Variants in CEP89 observed in about 807,000 individuals in gnomAD.
CEP89 encodes centrosomal protein of 89 kDa.
A neutral mutation model predicts 97.6 loss-of-function variants in CEP89; 95 were observed. That is an observed-to-expected ratio of 0.97 (90% confidence interval 0.82 to 1.15). CEP89 has a LOEUF of 1.15. Ranked by LOEUF, CEP89 falls within the 50% of genes most tolerant of loss-of-function variation. The pLI is 0.00. For synonymous variants in CEP89, 354 were observed against 349.1 expected (o/e 1.01, Z -0.16); for missense variants, 869 against 947.7 (o/e 0.92, Z 1.09).
At chr19:32,965,804 G>C (rs968114703) in intron 2 of CEP89, among the ~76,000 whole-genome samples, 2 of 151,918 alleles carry the variant, frequency 1.3e-5, no homozygotes, top group Non-Finnish European at 2.9e-5. Flanking sequence ...TTAAGAAAGA[G>C]GTCAGGAGTT....
At position 32,898,989 on chromosome 19, in the gene CEP89, C is replaced by G. The variant is rs925184946; in HGVS notation, c.1875+868G>C. On this transcript the variant is annotated intron_variant, in intron 16 of 18. Transcript: ENST00000305768. ...CATTACAAAATATCACATGTACCCCCACATGTGCATGTAAATATATTTAAA... is the reference window on the plus strand; with the variant it reads ...CATTACAAAATATCACATGTACCCCGACATGTGCATGTAAATATATTTAAA... Among the ~76,000 whole-genome samples the G allele has an allele frequency of 1.3e-5, 2 of 151,458 alleles. 1 individual carries two copies. The highest frequency in any genetic ancestry group is 1.3e-4 in the Admixed American group (2 of 15,210).
At chr19:32,889,317 T>C (rs114934697) in intron 16 of CEP89, among the ~76,000 whole-genome samples, 16 of 152,198 alleles carry the variant, frequency 1.1e-4, no homozygotes, top group African/African-American at 3.9e-4. Context: ...CCCATGCCTC[T>C]CCCTGCATGG....
At chr19:32,894,441 C>T (rs867468320) in intron 16 of CEP89, among the ~76,000 whole-genome samples, 23 of 152,266 alleles carry the variant, frequency 1.5e-4, no homozygotes, top group African/African-American at 2.6e-4. Flanking sequence ...ATCCCTTAAT[C>T]GTAATGTAGC....
chr19:32,889,089 C>A (rs934019616), intron 16 of CEP89, among the ~76,000 whole-genome samples: 1 of 152,172 alleles, frequency 6.6e-6, no homozygotes, highest in African/African-American at 2.4e-5. Context: ...AGGGCTCTCA[C>A]GAGCTCCTGG....
At position 32,907,192 on chromosome 19, in the gene CEP89, G is replaced by A. The variant is rs374426849; in HGVS notation, c.1566-5780C>T. 2.1e-4 allele frequency among the ~76,000 whole-genome samples: 32 copies of A among 152,212 alleles called. No homozygotes were observed. The East Asian group carries it at 3.7e-3, about 17-fold the overall frequency. ...CTGGGCAACACAGCAAGACCCCATC[G>A]CTGCAGAAATACTTAATAATTAGCC... On this transcript the variant is annotated intron_variant, in intron 14 of 18. Coordinates refer to ENST00000305768, the MANE Select transcript of CEP89 (RefSeq NM_032816.5).
At chr19:32,896,232 T>C (rs1253644688) in intron 16 of CEP89, among the ~76,000 whole-genome samples, 3 of 152,154 alleles carry the variant, frequency 2.0e-5, no homozygotes, top group Non-Finnish European at 4.4e-5. Context: ...TACAAGGCTA[T>C]AGTAACCAAA....
At position 32,878,617 on chromosome 19, in the gene CEP89, A is replaced by C. The variant is rs1187118346; in HGVS notation, c.*545T>G. ...GTGTCATAGAACTCATCTCAGTGGC[A>C]ATGTGGCCAGAGAACATGCCCTGGC... is the stretch of plus-strand genomic sequence containing the variant. On this transcript the variant is annotated 3_prime_UTR_variant, in exon 19 of 19. Coordinates refer to ENST00000305768, the MANE Select transcript of CEP89 (RefSeq NM_032816.5). 6.6e-6 allele frequency: 1 copy of C among 152,354 alleles called. No individual in the cohort carries two copies. Among genetic ancestry groups the C allele is most frequent in the African/African-American group, 2.4e-5 (1 of 41,456 alleles). The allele number at this position is 152,354 out of a possible 1,614,324, so 9.4% of individuals were successfully genotyped here.
At chr19:32,890,996 G>A (rs1202010877) in intron 16 of CEP89, among the ~76,000 whole-genome samples, 1 of 152,190 alleles carries the variant, frequency 6.6e-6, no homozygotes, top group African/African-American at 2.4e-5. Flanking sequence ...GAGGCACCAG[G>A]TGGACCCAGT....
At chr19:32,961,084 A>T (rs1034104975) in intron 2 of CEP89, among the ~76,000 whole-genome samples, 2 of 152,182 alleles carry the variant, frequency 1.3e-5, no homozygotes, top group African/African-American at 2.4e-5. Flanking sequence ...AGGAAGAACC[A>T]TTCACCAGGA....
At chr19:32,884,420 G>A (rs1356487963) in intron 17 of CEP89, among the ~76,000 whole-genome samples, 1 of 152,048 alleles carries the variant, frequency 6.6e-6, no homozygotes, top group African/African-American at 2.4e-5. Flanking sequence ...GGTGAATTAA[G>A]CTAATTTACA....
intron 9 of CEP89, among the ~76,000 whole-genome samples, chr19:32,928,773 C>T (rs111472576): frequency 2.5e-3 from 378 of 152,258 alleles, no homozygotes; most frequent in African/African-American, 8.6e-3. Flanking sequence ...TCTTGCCCTA[C>T]GAATTCTAGT....
At chr19:32,882,561 CAAA>C (rs564662597) in intron 17 of CEP89, among the ~76,000 whole-genome samples, 4 of 91,470 alleles carry the variant, frequency 4.4e-5, no homozygotes, top group Admixed American at 1.2e-4. Context: ...GACCCTGTCT[CAAA>C]AAAAAAAAAA....
chr19:32,942,637 T>C (rs1327095746), intron 5 of CEP89, among the ~76,000 whole-genome samples: 3 of 152,204 alleles, frequency 2.0e-5, no homozygotes, highest in African/African-American at 7.2e-5. Flanking sequence ...TTAATGTACA[T>C]TTAATGTACA....
At chr19:32,888,483 G>C (rs373247007) in intron 16 of CEP89, among the ~76,000 whole-genome samples, 1 of 152,076 alleles carries the variant, frequency 6.6e-6, no homozygotes, top group African/African-American at 2.4e-5. Flanking sequence ...CAGAGAAATT[G>C]CTCCAGGTCA....
At chr19:32,887,947 T>C in intron 16 of CEP89, 106 bp from the exon 17 acceptor site, 1 of 701,660 alleles carries the variant, frequency 1.4e-6, no homozygotes. Context: ...ATCTTCATTC[T>C]GCAACCTGTC....
At chr19:32,954,221 G>C (rs1599774521) in intron 3 of CEP89, among the ~76,000 whole-genome samples, 1 of 151,838 alleles carries the variant, frequency 6.6e-6, no homozygotes, top group South Asian at 2.1e-4. Context: ...CATAAATGTG[G>C]GATACTACAA....
intron 14 of CEP89, among the ~76,000 whole-genome samples, chr19:32,911,647 A>C (rs746283066): frequency 6.6e-6 from 1 of 151,708 alleles, no homozygotes; most frequent in Non-Finnish European, 1.5e-5. Flanking sequence ...GGGAGATCTC[A>C]TCTCAAAAAA....
Position 32,877,241 on chromosome 19 carries a change from C to G in CEP89, c.*1921G>C, listed in dbSNP as rs893278082. 6.6e-6 allele frequency: 1 copy of G among 152,202 alleles called. No individual in the cohort carries two copies. The highest frequency in any genetic ancestry group is 1.5e-5 in the Non-Finnish European group (1 of 68,040). The allele number at this position is 152,202 out of a possible 1,614,324, so 9.4% of individuals were successfully genotyped here. On this transcript the variant is annotated 3_prime_UTR_variant, in exon 19 of 19. Transcript: ENST00000305768. ...TCATAAAAGAACTATGATTTTCTATCTCACCCTTCCGTCTGGCAATCAAAG... is the reference window on the plus strand; with the variant it reads ...TCATAAAAGAACTATGATTTTCTATGTCACCCTTCCGTCTGGCAATCAAAG...
At chr19:32,942,375 G>A (rs998534713) in intron 5 of CEP89, among the ~76,000 whole-genome samples, 6 of 151,990 alleles carry the variant, frequency 3.9e-5, no homozygotes, top group Admixed American at 6.6e-5. Flanking sequence ...GAGCGACCCC[G>A]CCTCAAAAAA....
Sources: gnomAD v4.1 joint callset for allele counts (sites outside exome capture counted in the v4.1 genomes callset) on GRCh38, gnomAD v4.1.1 for gene constraint, MANE v1.5 for transcripts, NCBI Gene and HGNC (gene_info 2026-07-23, HGNC 2026-07-21) for gene names.